The following KIF27 variants were observed in gnomAD, a reference collection of about 807,000 sequenced individuals.
KIF27 encodes the protein kinesin-like protein KIF27.
KIF27 carries 84 observed loss-of-function variants against 141.8 expected under a neutral mutation model. The ratio of observed to expected loss-of-function variants is 0.59; its 90% CI spans 0.50 to 0.71. KIF27 has a LOEUF of 0.71. Among genes scored for constraint, KIF27 ranks in the 30% least tolerant of loss-of-function variants. The pLI, the probability that KIF27 is intolerant of heterozygous loss-of-function variation, is 0.00. For synonymous variants in KIF27, 471 were observed against 569.5 expected, an observed-to-expected ratio of 0.83 and a Z score of 2.46; for missense variants, 1,306 against 1,628.4, an observed-to-expected ratio of 0.80 and a Z score of 3.41.
rs776694276 is a variant in KIF27 at position 83,915,316 on chromosome 9, G to A, written c.276C>T (p.Tyr92=). The A allele has an allele frequency of 8.7e-6, 14 of 1,611,690 alleles. No homozygotes were observed. In the South Asian group the frequency reaches 1.2e-4, roughly 14 times the overall value. ...TACCAATATGGCCCCCTCCAATGGT[G>A]TATGTCTTCCCAGATCCAGTTTGTC... ...AYGQTGSGKT[Y]TIGGGHIASV... Residue 92 remains tyrosine (Y), a synonymous_variant, in exon 2 of 18, where the codon TAC becomes TAT. Coordinates refer to ENST00000297814, the MANE Select transcript of KIF27 (RefSeq NM_017576.4).
intron 14 of KIF27, among the ~76,000 whole-genome samples, chr9:83,857,483 G>A (rs1221257616): frequency 6.6e-6 from 1 of 152,138 alleles, no homozygotes; most frequent in East Asian, 1.9e-4. Flanking sequence ...AGTTGTAGGA[G>A]GCTCATCATT....
intron 11 of KIF27, among the ~76,000 whole-genome samples, chr9:83,877,611 G>T (rs796212494): frequency 7.9e-5 from 12 of 152,110 alleles, no homozygotes; most frequent in African/African-American, 2.9e-4. Flanking sequence ...TGGATTCTTA[G>T]ACATGACACC....
intron 14 of KIF27, among the ~76,000 whole-genome samples, chr9:83,856,123 A>T (rs866315997): frequency 6.6e-6 from 1 of 152,142 alleles, no homozygotes; most frequent in African/African-American, 2.4e-5. Context: ...CTGCTTTTCA[A>T]CTTTAATGTG....
chr9:83,869,187 AAATGT>A lies in KIF27; in HGVS notation c.2757+1327_2758-1328del, dbSNP rs367559106. Among the ~76,000 whole-genome samples the A allele has an allele frequency of 3.2e-3, 487 of 152,330 alleles. 1 individual carries two copies. Among genetic ancestry groups the A allele is most frequent in the African/African-American group, 8.2e-3 (341 of 41,576 alleles). On this transcript the variant is annotated intron_variant, in intron 12 of 17. Coordinates refer to ENST00000297814, the MANE Select transcript of KIF27 (RefSeq NM_017576.4). ...ATGTCACTATTAAATGTCACTAAGA[AAATGT>A]AATGTAAAATTTATGAAGAGAGAAT...
intron 16 of KIF27, among the ~76,000 whole-genome samples, chr9:83,843,883 T>C (rs145711553): frequency 1.1e-4 from 17 of 152,156 alleles, no homozygotes; most frequent in African/African-American, 3.6e-4. Context: ...CCACCATGCC[T>C]GGCTTAATTT....
intron 4 of KIF27, among the ~76,000 whole-genome samples, chr9:83,901,690 T>C (rs1243950509): frequency 2.6e-5 from 4 of 152,100 alleles, no homozygotes; most frequent in African/African-American, 4.8e-5. Flanking sequence ...CTGGCCAACA[T>C]GGTGAAACCC....
chr9:83,901,515 C>T (rs1953885785), intron 4 of KIF27, among the ~76,000 whole-genome samples: 1 of 152,130 alleles, frequency 6.6e-6, no homozygotes, highest in African/African-American at 2.4e-5. Context: ...ATCCAACTGC[C>T]TGTTATTAGG....
chr9:83,900,726 T>C (rs1953785299), intron 4 of KIF27, among the ~76,000 whole-genome samples: 1 of 152,002 alleles, frequency 6.6e-6, no homozygotes, highest in South Asian at 2.1e-4. Flanking sequence ...CTGTGATATA[T>C]ATACACGTAT....
intron 5 of KIF27, among the ~76,000 whole-genome samples, chr9:83,892,989 C>T (rs552859103): frequency 5.9e-5 from 9 of 152,292 alleles, no homozygotes; most frequent in East Asian, 1.9e-4. Flanking sequence ...AATCCCAGCA[C>T]GCTGGGAAGC....
intron 1 of KIF27, 101 bp downstream of exon 1, chr9:83,921,270 G>GGGGCGCGGGAGCGGC (rs1380818605): frequency 2.6e-5 from 4 of 152,296 alleles, no homozygotes; most frequent in Non-Finnish European, 5.9e-5. Context: ...CGGCCGGCTG[G>GGGGCGCGGGAGCGGC]GGGCGCGGGA....
Position 83,915,517 on chromosome 9 carries a change from TTGA to T in KIF27, c.72_74del (p.His24del), listed in dbSNP as rs1190027093. The T allele has an allele frequency of 6.2e-7, 1 of 1,613,720 alleles. No homozygotes were observed. The highest frequency in any genetic ancestry group is 8.5e-7 in the Non-Finnish European group (1 of 1,179,826). Reference sequence around the variant, plus strand: ...TGTTTGGAATAACTCTCACACAAACTTGATGATTATGAAGAGCTTCTTTGCAAA... The same window carrying T: ...TGTTTGGAATAACTCTCACACAAACTTGATTATGAAGAGCTTCTTTGCAAA... On this transcript the variant is annotated inframe_deletion, in exon 2 of 18. Transcript: ENST00000297814.
In KIF27 at chr9:83,903,514, G is replaced by A. The variant is rs1277553362; in HGVS notation, c.1004C>T (p.Ala335Val). Residue 335 changes from alanine (A) to valine (V), a missense_variant, in exon 4 of 18, where the codon GCC (alanine) becomes GTC (valine). Ala to Val is a moderately conservative substitution (Grantham distance 64). Coordinates refer to ENST00000297814, the MANE Select transcript of KIF27 (RefSeq NM_017576.4). ...FDESLNSLKY[A>V]NRARNIRNKP... ...GTTTCTAATGTTCCGTGCTCTGTTGGCATATTTGAGAGAATTTAAGGACTC... is the reference window on the plus strand; with the variant it reads ...GTTTCTAATGTTCCGTGCTCTGTTGACATATTTGAGAGAATTTAAGGACTC... 1 of 1,613,968 alleles carries A rather than the reference G, an allele frequency of 6.2e-7. No individual in the cohort carries two copies. Among genetic ancestry groups the A allele is most frequent in the Non-Finnish European group, 8.5e-7 (1 of 1,180,016 alleles).
At chr9:83,843,226 GAA>G (rs1946802160) in intron 16 of KIF27, among the ~76,000 whole-genome samples, 1 of 146,974 alleles carries the variant, frequency 6.8e-6, no homozygotes, top group African/African-American at 2.5e-5. Context: ...CACAGAAAAA[GAA>G]GAGGGAATAT....
rs1296014083 is a variant in KIF27, at chr9:83,853,668, A to C, written c.3318T>G (p.Pro1106=). 6.2e-7 allele frequency: 1 copy of C among 1,613,832 alleles called. No individual in the cohort carries two copies. Among genetic ancestry groups the C allele is most frequent in the Non-Finnish European group, 8.5e-7 (1 of 1,179,772 alleles). Residue 1106 remains proline (P), a synonymous_variant, in exon 15 of 18, where the codon CCT becomes CCG. Transcript: ENST00000297814. ...NVLEKLACLS[P]VEIRTILFRY... ...TGAAAAGAATAGTTCTAATCTCAAC[A>C]GGACTCAGGCAAGCTAGCTTTTCCA...
intron 15 of KIF27, among the ~76,000 whole-genome samples, chr9:83,852,330 G>A (rs888643053): frequency 7.3e-5 from 11 of 151,408 alleles, no homozygotes; most frequent in African/African-American, 2.7e-4. Flanking sequence ...GCGGGCATTT[G>A]TAGTCCCAGC....
chr9:83,909,249 G>A lies in KIF27; in HGVS notation c.299-597C>T, dbSNP rs11140291. ...GGGACTAGAAGTGTAACTACCAGCC[G>A]AGAGATGCTTGCAACTTTAAATAGG... On this transcript the variant is annotated intron_variant, in intron 2 of 17. Coordinates refer to ENST00000297814, the MANE Select transcript of KIF27 (RefSeq NM_017576.4). 8.1e-3 allele frequency among the ~76,000 whole-genome samples: 1,231 copies of A among 152,242 alleles called. 33 individuals carry two copies. Among genetic ancestry groups the A allele is most frequent in the East Asian group, 0.037 (191 of 5,174 alleles).
At position 83,839,848 on chromosome 9, in the gene KIF27, T is replaced by C. The variant is rs190431469; in HGVS notation, c.3722-2363A>G. On this transcript the variant is annotated intron_variant, in intron 17 of 17. Transcript: ENST00000297814. ...ATCCCAGCTACTGAGTAGGCTGAGG[T>C]AGGAGAATCGTTTGAACCTGGGAGG... Among the ~76,000 whole-genome samples the C allele has an allele frequency of 1.7e-3, 264 of 152,100 alleles. 2 individuals are homozygous for C. In the East Asian group the frequency reaches 0.03, roughly 17 times the overall value.
chr9:83,859,465 G>A, intron 13 of KIF27, 94 bp from the exon 14 acceptor site: 1 of 797,524 alleles, frequency 1.3e-6, no homozygotes, highest in Non-Finnish European at 2.0e-6. Context: ...ATTGCTAAAT[G>A]AATATATTTT....
intron 9 of KIF27, among the ~76,000 whole-genome samples, 200 bp downstream of exon 9, chr9:83,886,841 A>C (rs1318638483): frequency 6.6e-6 from 1 of 152,216 alleles, no homozygotes; most frequent in Non-Finnish European, 1.5e-5. Context: ...AGTTAGAACA[A>C]TTCAGAGGTG....
Sources: gnomAD v4.1 joint callset for allele counts (sites outside exome capture counted in the v4.1 genomes callset) on GRCh38, gnomAD v4.1.1 for gene constraint, MANE v1.5 for transcripts, NCBI Gene and HGNC (gene_info 2026-07-23, HGNC 2026-07-21) for gene names.